NRXN1: variants seen among roughly 807,000 people sequenced by gnomAD.
NRXN1 encodes the protein neurexin-1.
A neutral mutation model predicts 150.9 loss-of-function variants in NRXN1; 39 were observed. The ratio of observed to expected loss-of-function variants is 0.26; its 90% CI spans 0.20 to 0.34. The LOEUF (loss-of-function observed/expected upper bound fraction) is 0.34. Ranked by LOEUF, NRXN1 falls within the 10% of genes least tolerant of loss-of-function variation. The pLI is 1.00. For missense variants in NRXN1, 1,815 were observed against 1,949.9 expected, an observed-to-expected ratio of 0.93 and a Z score of 1.30; for synonymous variants, 924 against 757.0, an observed-to-expected ratio of 1.22 and a Z score of -3.62.
intron 5 of NRXN1, among the ~76,000 whole-genome samples, chr2:50,696,570 C>T (rs1254521966): frequency 1.3e-5 from 2 of 152,058 alleles, no homozygotes; most frequent in East Asian, 1.9e-4. Context: ...GCCTCTTCTT[C>T]CAATGTCTAT....
chr2:50,020,112 A>G (rs1687344600), intron 21 of NRXN1, among the ~76,000 whole-genome samples: 1 of 152,078 alleles, frequency 6.6e-6, no homozygotes. Flanking sequence ...TACGCAGACT[A>G]GGCACTCCTC....
chr2:50,528,856 A>G (rs2093026602), intron 11 of NRXN1: 3 of 464,248 alleles, frequency 6.5e-6, no homozygotes, highest in Non-Finnish European at 7.8e-6. Flanking sequence ...AGGTTTTAAA[A>G]ATGGCCAATT....
rs559419343 is a variant in NRXN1, at chr2:51,004,234, C to G, written c.772+23268G>C. Among the ~76,000 whole-genome samples, 4 of 151,982 alleles carry G rather than the reference C, an allele frequency of 2.6e-5. No homozygotes were observed. The South Asian group carries it at 8.3e-4, about 32-fold the overall frequency. On this transcript the variant is annotated intron_variant, in intron 2 of 22. Transcript: ENST00000401669. ...CATGAATAAAATTTTAAATTCATGA[C>G]AAAGGGCAACCTGAATAAACAGATT...
chr2:50,758,476 A>T (rs1403184488), intron 5 of NRXN1, among the ~76,000 whole-genome samples: 1 of 151,834 alleles, frequency 6.6e-6, no homozygotes, highest in East Asian at 1.9e-4. Flanking sequence ...AAAAACAAAC[A>T]AACAAACAAA....
rs59921941 is a variant in NRXN1, at chr2:50,107,539, A to ATATATATATTTT, written c.3547-16046_3547-16045insAAAATATATATA. On this transcript the variant is annotated intron_variant, in intron 18 of 22. Coordinates refer to ENST00000401669, the MANE Select transcript of NRXN1 (RefSeq NM_001330078.2). ...AGACTACATATATATATATATATAT[A>ATATATATATTTT]TTTTTTTTTTTTACCCAAGTACTAC... Among the ~76,000 whole-genome samples, 470 of 129,808 alleles carry ATATATATATTTT rather than the reference A, an allele frequency of 3.6e-3. 2 individuals carry two copies. Among genetic ancestry groups the ATATATATATTTT allele is most frequent in the African/African-American group, 8.7e-3 (296 of 34,106 alleles). 85.2% of individuals were successfully genotyped at this position (129,808 alleles called of 152,430 possible).
chr2:50,241,770 A>C (rs1212613453), intron 17 of NRXN1, among the ~76,000 whole-genome samples: 1 of 151,804 alleles, frequency 6.6e-6, no homozygotes, highest in Non-Finnish European at 1.5e-5. Context: ...ATTTACATAT[A>C]GGGCTCTCTC....
chr2:50,726,033 T>G (rs1697323294), intron 5 of NRXN1, among the ~76,000 whole-genome samples: 2 of 152,146 alleles, frequency 1.3e-5, no homozygotes, highest in African/African-American at 4.8e-5. Flanking sequence ...ATAGAAGCTT[T>G]GTCTTGGGGT....
intron 8 of NRXN1, among the ~76,000 whole-genome samples, chr2:50,562,880 T>C (rs940380412): frequency 7.9e-5 from 12 of 152,142 alleles, no homozygotes; most frequent in African/African-American, 1.7e-4. Context: ...CACAGCTTTA[T>C]AATATATTCT....
chr2:50,373,573 C>G (rs972132754), intron 17 of NRXN1, among the ~76,000 whole-genome samples: 2 of 140,672 alleles, frequency 1.4e-5, no homozygotes, highest in Admixed American at 7.6e-5. Flanking sequence ...TATAGAGAGC[C>G]CTGAATTTGG....
At chr2:50,141,271 A>T (rs771804112) in intron 18 of NRXN1, among the ~76,000 whole-genome samples, 1 of 152,092 alleles carries the variant, frequency 6.6e-6, no homozygotes, top group Non-Finnish European at 1.5e-5. Context: ...GAAGAATTAC[A>T]TTAGATCCCT....
At chr2:50,707,444 T>C (rs1382776386) in intron 5 of NRXN1, among the ~76,000 whole-genome samples, 1 of 152,202 alleles carries the variant, frequency 6.6e-6, no homozygotes, top group African/African-American at 2.4e-5. Context: ...GTAGATTCCT[T>C]TCAGGCAGTT....
intron 5 of NRXN1, among the ~76,000 whole-genome samples, chr2:50,910,826 T>G (rs1003628408): frequency 2.0e-5 from 3 of 151,920 alleles, no homozygotes; most frequent in African/African-American, 7.2e-5. Flanking sequence ...AAAGTAAGAT[T>G]CAGTCTATCA....
chr2:50,815,066 CTTT>C (rs370316313), intron 5 of NRXN1, among the ~76,000 whole-genome samples: 1 of 149,616 alleles, frequency 6.7e-6, no homozygotes, highest in Non-Finnish European at 1.5e-5. Context: ...CTGACATACT[CTTT>C]TTTTTTTCCT....
chr2:50,497,528 G>A lies in NRXN1; in HGVS notation c.2684C>T (p.Ala895Val). ...NGDIDYCELN[A>V]RFGFRNIIAD... ...TATGATGTTCCTGAAGCCAAATCTG[G>A]CATTAAGCTCACAGTAATCTATGTC... is the stretch of plus-strand genomic sequence containing the variant. Residue 895 changes from alanine (A) to valine (V), a missense_variant, in exon 14 of 23, where the codon GCC (alanine) becomes GTC (valine). By Grantham distance (64) the Ala-to-Val change is moderately conservative (BLOSUM62 0). This residue lies in a region of NRXN1 where 638 missense variants were observed against 652.6 expected (regional missense o/e 0.98). Coordinates refer to ENST00000401669, the MANE Select transcript of NRXN1 (RefSeq NM_001330078.2). 6.2e-7 allele frequency: 1 copy of A among 1,613,860 alleles called. No homozygotes were observed. Among genetic ancestry groups the A allele is most frequent in the Non-Finnish European group, 8.5e-7 (1 of 1,179,852 alleles).
At chr2:50,874,602 T>C (rs368761435) in intron 5 of NRXN1, among the ~76,000 whole-genome samples, 36 of 151,964 alleles carry the variant, frequency 2.4e-4, no homozygotes, top group African/African-American at 8.2e-4. Flanking sequence ...AATGAAATAG[T>C]AGTAATAAAA....
chr2:50,290,803 C>A (rs62133122), intron 17 of NRXN1, among the ~76,000 whole-genome samples: 3,122 of 152,118 alleles, frequency 0.021, 42 homozygotes, highest in Non-Finnish European at 0.028. Flanking sequence ...CTCTTCTGGA[C>A]AAAACATGGG....
intron 18 of NRXN1, among the ~76,000 whole-genome samples, chr2:50,182,959 T>G (rs1329373164): frequency 1.3e-5 from 2 of 151,974 alleles, no homozygotes; most frequent in African/African-American, 4.8e-5. Flanking sequence ...AGAAGGCTGT[T>G]TATAGCAAGG....
intron 2 of NRXN1, among the ~76,000 whole-genome samples, chr2:50,995,850 T>G (rs1028843905): frequency 6.6e-6 from 1 of 152,104 alleles, no homozygotes; most frequent in African/African-American, 2.4e-5. Context: ...TTTAAATCCC[T>G]GCATGCTTTA....
intron 17 of NRXN1, among the ~76,000 whole-genome samples, chr2:50,318,693 A>C (rs1006993565): frequency 6.6e-6 from 1 of 152,208 alleles, no homozygotes; most frequent in African/African-American, 2.4e-5. Context: ...TTCCATTTAT[A>C]TAAAATTCAA....
Sources: gnomAD v4.1 joint callset for allele counts (sites outside exome capture counted in the v4.1 genomes callset) on GRCh38, gnomAD v4.1.1 for gene constraint, gnomAD v4.1.1 regional missense constraint, MANE v1.5 for transcripts, NCBI Gene and HGNC (gene_info 2026-07-23, HGNC 2026-07-21) for gene names.